The following PTBP3 variants were observed in gnomAD, a reference collection of about 807,000 sequenced individuals.
The protein encoded by PTBP3 is polypyrimidine tract binding protein 3, also known as polypyrimidine tract-binding protein 3.
A neutral mutation model predicts 58.7 loss-of-function variants in PTBP3; 20 were observed. The ratio of observed to expected loss-of-function variants is 0.34; its 90% CI spans 0.24 to 0.50. The LOEUF (loss-of-function observed/expected upper bound fraction) is 0.50, where lower values mean the gene tolerates loss of function less well. Among genes scored for constraint, PTBP3 ranks in the 20% least tolerant of loss-of-function variants. PTBP3 has a pLI of 0.98. For synonymous variants in PTBP3, 185 were observed against 219.8 expected, an observed-to-expected ratio of 0.84 and a Z score of 1.40; for missense variants, 509 against 637.2, an observed-to-expected ratio of 0.80 and a Z score of 2.17.
In PTBP3 at chr9:112,333,495, G is replaced by A; in HGVS notation, c.-77C>T. 2 of 1,592,096 alleles carry A rather than the reference G, an allele frequency of 1.3e-6. No homozygotes were observed. The highest frequency in any genetic ancestry group is 8.5e-7 in the Non-Finnish European group (1 of 1,169,814). ...CCATCCATGGCCCAGATGGAGGCGC[G>A]CACAGAGCAGGGACTGACGGGCTAA... On this transcript the variant is annotated 5_prime_UTR_variant, in exon 1 of 14. Coordinates refer to ENST00000374257, the MANE Select transcript of PTBP3 (RefSeq NM_001163788.4).
At chr9:112,233,155 T>G (rs761580205) in intron 8 of PTBP3, among the ~76,000 whole-genome samples, 1 of 151,928 alleles carries the variant, frequency 6.6e-6, no homozygotes, top group Non-Finnish European at 1.5e-5. Context: ...ACGAAATCAA[T>G]AGCCTTCACA....
rs200607299 is a variant in PTBP3, at chr9:112,325,186, CG to C, written c.-52+8283del. Among the ~76,000 whole-genome samples, 1,122 of 152,302 alleles carry C rather than the reference CG, an allele frequency of 7.4e-3. 46 individuals carry two copies. Among genetic ancestry groups the C allele is most frequent in the Admixed American group, 0.061 (932 of 15,296 alleles). ...GCCTAGGCAAAGAGGGAAGGGTCCC[CG>C]GAGAACCTTCGACCTGCCCAGGTCA... On this transcript the variant is annotated intron_variant, in intron 1 of 13. Coordinates refer to ENST00000374257, the MANE Select transcript of PTBP3 (RefSeq NM_001163788.4).
At chr9:112,235,354 G>A (rs1489967490) in intron 7 of PTBP3, among the ~76,000 whole-genome samples, 1 of 152,108 alleles carries the variant, frequency 6.6e-6, no homozygotes, top group African/African-American at 2.4e-5. Context: ...TATTACAATT[G>A]GAGTAAGAAG....
At chr9:112,242,826 CA>C (rs1353242565) in intron 7 of PTBP3, 2 of 152,274 alleles carry the variant, frequency 1.3e-5, no homozygotes, top group Non-Finnish European at 1.5e-5. Flanking sequence ...GCTGGAACTA[CA>C]GGTCCACGCA....
At chr9:112,348,478 C>G in the PTBP3 span, among the ~76,000 whole-genome samples, 3 of 152,222 alleles carry the variant, frequency 2.0e-5, no homozygotes, top group African/African-American at 7.2e-5. Flanking sequence ...AAAAATGCCT[C>G]AGATGAGCAT....
intron 7 of PTBP3, among the ~76,000 whole-genome samples, chr9:112,246,554 A>G (rs10817299): frequency 0.85 from 129,470 of 151,436 alleles, 55,754 homozygotes; most frequent in African/African-American, 0.95. Flanking sequence ...TTAGCCGGGC[A>G]TAGTGGCGGG....
intron 2 of PTBP3, among the ~76,000 whole-genome samples, chr9:112,278,389 T>C (rs2132218353): frequency 6.6e-6 from 1 of 152,258 alleles, no homozygotes; most frequent in Non-Finnish European, 1.5e-5. Flanking sequence ...ACCACCAACG[T>C]GGCCTTGCTC....
rs1277309909 is a variant in PTBP3, at chr9:112,276,844, CAAGT to C, written c.35-835_35-832del. On this transcript the variant is annotated intron_variant, in intron 2 of 13. Coordinates refer to ENST00000374257, the MANE Select transcript of PTBP3 (RefSeq NM_001163788.4). ...CCTGTAAGGAACACTTAAGTTTATG[CAAGT>C]AAGATTCAGAAAAGTTTTTCTTCCA... is the stretch of plus-strand genomic sequence containing the variant. Among the ~76,000 whole-genome samples the C allele has an allele frequency of 2.0e-5, 3 of 152,226 alleles. No individual in the cohort carries two copies. In the East Asian group the frequency reaches 5.8e-4, roughly 29 times the overall value.
chr9:112,270,986 C>A (rs981234626), intron 3 of PTBP3, among the ~76,000 whole-genome samples: 1 of 151,978 alleles, frequency 6.6e-6, no homozygotes. Context: ...GCCACCACAC[C>A]CGGCTTATTT....
In PTBP3 at chr9:112,223,191, T is replaced by C; in HGVS notation, c.*660A>G. On this transcript the variant is annotated 3_prime_UTR_variant, in exon 14 of 14. Coordinates refer to ENST00000374257, the MANE Select transcript of PTBP3 (RefSeq NM_001163788.4). ...GGGGACAGCTGAGACACTGCATTTT[T>C]CCAAATAGTCTTAAAAAGTTAAAGA... is the stretch of plus-strand genomic sequence containing the variant. 1.1e-6 allele frequency: 1 copy of C among 925,198 alleles called. No individual in the cohort carries two copies. Among genetic ancestry groups the C allele is most frequent in the Non-Finnish European group, 1.3e-6 (1 of 774,832 alleles). 57.3% of individuals were successfully genotyped at this position (925,198 alleles called of 1,614,324 possible).
At chr9:112,378,606 A>G in the PTBP3 span, among the ~76,000 whole-genome samples, 1 of 152,220 alleles carries the variant, frequency 6.6e-6, no homozygotes, top group Non-Finnish European at 1.5e-5. Flanking sequence ...ATGAGAGGAG[A>G]GTAAGTTATT....
intron 1 of PTBP3, among the ~76,000 whole-genome samples, chr9:112,303,582 C>G (rs958883278): frequency 9.2e-5 from 14 of 152,226 alleles, no homozygotes; most frequent in African/African-American, 3.4e-4. Context: ...ATAAATACTA[C>G]AGGCTGGGCG....
In PTBP3 at chr9:112,244,289, C is replaced by CAAAAAAA. The variant is rs56052359; in HGVS notation, c.802+6633_802+6639dup. ...TGGGCAACAGAGTGAGACTCTGTCTCAAAAAAAAAAAAAAAAAAGTTCTCA... is the reference window on the plus strand; with the variant it reads ...TGGGCAACAGAGTGAGACTCTGTCTCAAAAAAAAAAAAAAAAAAAAAAAAAGTTCTCA... On this transcript the variant is annotated intron_variant, in intron 7 of 13. Coordinates refer to ENST00000374257, the MANE Select transcript of PTBP3 (RefSeq NM_001163788.4). Among the ~76,000 whole-genome samples the CAAAAAAA allele has an allele frequency of 6.3e-3, 228 of 36,266 alleles. 26 individuals are homozygous for CAAAAAAA. Among genetic ancestry groups the CAAAAAAA allele is most frequent in the African/African-American group, 0.017 (158 of 9,464 alleles). 23.8% of individuals were successfully genotyped at this position (36,266 alleles called of 152,430 possible).
chr9:112,294,680 C>A (rs1828591373), intron 2 of PTBP3, among the ~76,000 whole-genome samples: 1 of 152,078 alleles, frequency 6.6e-6, no homozygotes, highest in Non-Finnish European at 1.5e-5. Flanking sequence ...AACAAGTTAA[C>A]AAAACAATCC....
At chr9:112,312,895 T>C (rs1185458821) in intron 1 of PTBP3, among the ~76,000 whole-genome samples, 2 of 151,810 alleles carry the variant, frequency 1.3e-5, no homozygotes, top group Non-Finnish European at 2.9e-5. Context: ...TACACAAAAA[T>C]TAGCCAGGTA....
chr9:112,363,808 G>A, the PTBP3 span, among the ~76,000 whole-genome samples: 4 of 151,956 alleles, frequency 2.6e-5, no homozygotes, highest in Non-Finnish European at 5.9e-5. Flanking sequence ...AGCCCCAGTT[G>A]GTATGGTAAA....
upstream of PTBP3, among the ~76,000 whole-genome samples, chr9:112,336,243 ATAAC>A (rs1830575578): frequency 6.6e-6 from 1 of 152,198 alleles, no homozygotes. Context: ...AGTATTCAAA[ATAAC>A]TAACACTATT....
At chr9:112,269,389 G>T (rs575826558) in intron 3 of PTBP3, among the ~76,000 whole-genome samples, 1 of 151,876 alleles carries the variant, frequency 6.6e-6, no homozygotes, top group African/African-American at 2.4e-5. Context: ...GGGCAAAATG[G>T]TTTATTCTCC....
At chr9:112,238,769 G>C (rs1321864991) in intron 7 of PTBP3, among the ~76,000 whole-genome samples, 1 of 151,890 alleles carries the variant, frequency 6.6e-6, no homozygotes, top group South Asian at 2.1e-4. Flanking sequence ...TTAATACGCT[G>C]AAAGAAAAAA....
Sources: allele counts gnomAD v4.1 joint callset (sites outside exome capture counted in the v4.1 genomes callset), GRCh38; gene constraint gnomAD v4.1.1; transcripts MANE v1.5; gene names NCBI Gene and HGNC (gene_info 2026-07-23, HGNC 2026-07-21).